Variants in IGF2BP3 observed in about 807,000 individuals in gnomAD.
IGF2BP3 encodes insulin like growth factor 2 mRNA binding protein 3, also known as insulin-like growth factor 2 mRNA-binding protein 3.
A neutral mutation model predicts 73.8 loss-of-function variants in IGF2BP3; 9 were observed. The observed-to-expected ratio is 0.12, with a 90% CI of 0.07 to 0.21. IGF2BP3 has a LOEUF of 0.21. Ranked by LOEUF, IGF2BP3 falls within the 10% of genes least tolerant of loss-of-function variation. The pLI is 1.00. For synonymous variants in IGF2BP3, 258 were observed against 256.7 expected (o/e 1.01, Z -0.05); for missense variants, 542 against 714.0 (o/e 0.76, Z 2.75).
At chr7:23,351,621 A>T (rs770486329) in intron 5 of IGF2BP3, 35 bp from the exon 6 acceptor site, 1 of 1,609,812 alleles carries the variant, frequency 6.2e-7, no homozygotes, top group South Asian at 1.1e-5. Flanking sequence ...TGGGAAAAGG[A>T]ATCAGGCTAT....
chr7:23,322,720 C>A lies in IGF2BP3; in HGVS notation c.1204-3466G>T, dbSNP rs1562670999. ...GAAGCCCATCAGACTAACAGCAGATCTCTCAGCAGAAACTCTACAAGCCAG... is the reference window on the plus strand; with the variant it reads ...GAAGCCCATCAGACTAACAGCAGATATCTCAGCAGAAACTCTACAAGCCAG... On this transcript the variant is annotated intron_variant, in intron 10 of 14. Coordinates refer to ENST00000258729, the MANE Select transcript of IGF2BP3 (RefSeq NM_006547.3). Among the ~76,000 whole-genome samples the A allele has an allele frequency of 1.1e-4, 17 of 152,322 alleles. No homozygotes were observed. In the South Asian group the frequency reaches 3.5e-3, roughly 32 times the overall value.
At chr7:23,325,036 A>C (rs1159070596) in intron 10 of IGF2BP3, among the ~76,000 whole-genome samples, 2 of 151,638 alleles carry the variant, frequency 1.3e-5, no homozygotes, top group African/African-American at 4.9e-5. Flanking sequence ...CTCTCTCACC[A>C]CTCCTACTCA....
intron 3 of IGF2BP3, among the ~76,000 whole-genome samples, chr7:23,409,790 AG>A (rs1786959949): frequency 6.6e-6 from 1 of 152,262 alleles, no homozygotes; most frequent in South Asian, 2.1e-4. Context: ...ACTTTGATTT[AG>A]GCAAAAAGTT....
rs3807468 is a variant in IGF2BP3, at chr7:23,327,953, A to G, written c.1204-8699T>C. Among the ~76,000 whole-genome samples, 17 of 152,216 alleles carry G rather than the reference A, an allele frequency of 1.1e-4. No individual in the cohort carries two copies. In the East Asian group the frequency reaches 2.1e-3, roughly 19 times the overall value. On this transcript the variant is annotated intron_variant, in intron 10 of 14. Transcript: ENST00000258729. ...GGCCGTGCCACTCGCTTGTCCCCCA[A>G]TGCAGACTTACCAGGAGGCCATTCC...
chr7:23,429,698 T>C (rs1282279969), intron 2 of IGF2BP3, among the ~76,000 whole-genome samples: 1 of 152,118 alleles, frequency 6.6e-6, no homozygotes, highest in Non-Finnish European at 1.5e-5. Flanking sequence ...TACATATTAA[T>C]ACCAAGAAAG....
rs1788685334 is a variant in IGF2BP3, at chr7:23,470,251, C to CA, written c.-142dup. The CA allele has an allele frequency of 1.6e-6, 1 of 606,834 alleles. No homozygotes were observed. The highest frequency in any genetic ancestry group is 1.9e-5 in the African/African-American group (1 of 53,120). 37.6% of individuals were successfully genotyped at this position (606,834 alleles called of 1,614,324 possible). On this transcript the variant is annotated 5_prime_UTR_variant, in exon 1 of 15. Coordinates refer to ENST00000258729, the MANE Select transcript of IGF2BP3 (RefSeq NM_006547.3). Reference sequence around the variant, plus strand: ...ACACAAACACAGTAAGAACCAAGCACAAGAACGAGGAGTGAAAAATCAGAT... The same window carrying CA: ...ACACAAACACAGTAAGAACCAAGCACAAAGAACGAGGAGTGAAAAATCAGAT...
chr7:23,322,094 G>GAGA (rs758206593), intron 10 of IGF2BP3, among the ~76,000 whole-genome samples: 43 of 152,140 alleles, frequency 2.8e-4, no homozygotes, highest in Non-Finnish European at 3.1e-4. Flanking sequence ...GATGAGCTGA[G>GAGA]AGAAGGCTTC....
At chr7:23,402,298 T>C (rs1385321107) in intron 3 of IGF2BP3, 3 of 152,248 alleles carry the variant, frequency 2.0e-5, no homozygotes, top group African/African-American at 7.2e-5. Flanking sequence ...TGCACACTTG[T>C]ACTGCATGAC....
intron 3 of IGF2BP3, among the ~76,000 whole-genome samples, chr7:23,374,889 G>A (rs908260842): frequency 1.3e-5 from 2 of 152,084 alleles, no homozygotes; most frequent in African/African-American, 4.8e-5. Context: ...CAGGTTCCGT[G>A]ATAAATGTCC....
intron 1 of IGF2BP3, 145 bp from the exon 2 acceptor site, chr7:23,468,687 G>T: frequency 1.3e-6 from 1 of 774,446 alleles, no homozygotes; most frequent in East Asian, 2.5e-5. Context: ...CAGGCGGAGG[G>T]AGAAGCCGAC....
chr7:23,402,312 C>G (rs1786693999), intron 3 of IGF2BP3: 1 of 152,168 alleles, frequency 6.6e-6, no homozygotes, highest in South Asian at 2.1e-4. Context: ...GCATGACTTC[C>G]TATCCGTAAG....
chr7:23,386,142 A>C (rs575612505), intron 3 of IGF2BP3, among the ~76,000 whole-genome samples: 1 of 152,324 alleles, frequency 6.6e-6, no homozygotes, highest in East Asian at 1.9e-4. Flanking sequence ...GGGGAGATTT[A>C]TTATACTATT....
chr7:23,438,821 C>A (rs569066169), intron 2 of IGF2BP3, among the ~76,000 whole-genome samples: 1 of 147,880 alleles, frequency 6.8e-6, no homozygotes, highest in East Asian at 1.9e-4. Context: ...GACAGATTTC[C>A]AGTAGCAATA....
At chr7:23,314,544 CAA>C (rs1783925190) in intron 12 of IGF2BP3, among the ~76,000 whole-genome samples, 1 of 151,658 alleles carries the variant, frequency 6.6e-6, no homozygotes, top group Non-Finnish European at 1.5e-5. Flanking sequence ...CTCCTGGGCT[CAA>C]GAGTCCTGCC....
chr7:23,358,173 T>A (rs1184252967), intron 5 of IGF2BP3, among the ~76,000 whole-genome samples: 1 of 152,196 alleles, frequency 6.6e-6, no homozygotes. Flanking sequence ...CATAACAGAT[T>A]AACTTGACCA....
intron 2 of IGF2BP3, among the ~76,000 whole-genome samples, chr7:23,430,775 GTGT>G: frequency 6.6e-6 from 1 of 152,300 alleles, no homozygotes; most frequent in Middle Eastern, 3.4e-3. Flanking sequence ...TGACTTGGCA[GTGT>G]CTTATCCTCT....
At chr7:23,428,589 C>T (rs1252967491) in intron 2 of IGF2BP3, among the ~76,000 whole-genome samples, 1 of 150,462 alleles carries the variant, frequency 6.6e-6, no homozygotes, top group Non-Finnish European at 1.5e-5. Flanking sequence ...TACTTGTAGT[C>T]CCAGCTACTT....
chr7:23,453,865 C>T (rs1209287428), intron 2 of IGF2BP3, among the ~76,000 whole-genome samples: 1 of 152,040 alleles, frequency 6.6e-6, no homozygotes, highest in Admixed American at 6.6e-5. Context: ...TGTTGTTGTT[C>T]TTTGAAATAG....
In IGF2BP3 at chr7:23,470,128, T is replaced by G. The variant is rs1426674511; in HGVS notation, c.-18A>C. 5 of 1,542,670 alleles carry G rather than the reference T, an allele frequency of 3.2e-6. No individual in the cohort carries two copies. The highest frequency in any genetic ancestry group is 4.4e-6 in the Non-Finnish European group (5 of 1,141,054). ...TTGTTCATTGTGAAGAGTGGTTGTT[T>G]AAAAAAAAATAACGAGAAAAAACGA... On this transcript the variant is annotated 5_prime_UTR_variant, in exon 1 of 15. Coordinates refer to ENST00000258729, the MANE Select transcript of IGF2BP3 (RefSeq NM_006547.3).
Sources: allele counts gnomAD v4.1 joint callset (sites outside exome capture counted in the v4.1 genomes callset), GRCh38; gene constraint gnomAD v4.1.1; transcripts MANE v1.5; gene names NCBI Gene and HGNC (gene_info 2026-07-23, HGNC 2026-07-21).